Variants in JPH3 observed in about 807,000 individuals in gnomAD.
JPH3 encodes junctophilin-3.
JPH3 carries 11 observed loss-of-function variants against 59.6 expected under a neutral mutation model. The observed-to-expected ratio is 0.18, with a 90% confidence interval of 0.12 to 0.31. The LOEUF (loss-of-function observed/expected upper bound fraction) is 0.31. JPH3 is among the 10% of genes least tolerant of loss of function. The pLI, the probability that JPH3 is intolerant of heterozygous loss-of-function variation, is 1.00. For missense variants in JPH3, 1,202 were observed against 1,105.7 expected, an observed-to-expected ratio of 1.09 and a Z score of -1.24; for synonymous variants, 673 against 483.6, an observed-to-expected ratio of 1.39 and a Z score of -5.14.
At chr16:87,641,202 GGGGTCCGGTCC>G (rs1567594291) in intron 1 of JPH3, among the ~76,000 whole-genome samples, 17 of 152,318 alleles carry the variant, frequency 1.1e-4, no homozygotes, top group African/African-American at 3.4e-4. Context: ...TGGGGTCCCT[GGGGTCCGGTCC>G]ACATACATCC....
chr16:87,670,231 G>A (rs951759312), intron 2 of JPH3, among the ~76,000 whole-genome samples: 2 of 152,172 alleles, frequency 1.3e-5, no homozygotes, highest in East Asian at 1.9e-4. Context: ...GGAGTCAGCC[G>A]CAGCCACCAG....
At chr16:87,695,411 T>G (rs993478421) in intron 4 of JPH3, 1 of 456,076 alleles carries the variant, frequency 2.2e-6, no homozygotes, top group Non-Finnish European at 4.4e-6. Context: ...GGTCCATCTG[T>G]GTCGCACAGC....
In JPH3 at chr16:87,698,043, T is replaced by C. The variant is rs1170711308; in HGVS notation, c.*1383T>C. The C allele has an allele frequency of 6.6e-6, 1 of 152,668 alleles. No individual in the cohort carries two copies. The highest frequency in any genetic ancestry group is 1.5e-5 in the Non-Finnish European group (1 of 68,048). The allele number at this position is 152,668 out of a possible 1,614,324, so 9.5% of individuals were successfully genotyped here. A position where few individuals can be genotyped will look rare whatever the true frequency, so the allele number is the denominator to read the frequency against. On this transcript the variant is annotated 3_prime_UTR_variant, in exon 5 of 5. Coordinates refer to ENST00000284262, the MANE Select transcript of JPH3 (RefSeq NM_020655.4). ...TCTTATGGACTCTGCCTTGCTTTGCTTATGTTTAGCTGTTTCTCTGCTACC... is the reference window on the plus strand; with the variant it reads ...TCTTATGGACTCTGCCTTGCTTTGCCTATGTTTAGCTGTTTCTCTGCTACC...
chr16:87,608,424 T>C (rs1047446843), intron 1 of JPH3, among the ~76,000 whole-genome samples: 4 of 152,146 alleles, frequency 2.6e-5, no homozygotes, highest in African/African-American at 9.7e-5. Flanking sequence ...TCCACATTGG[T>C]CCGTGTCTCC....
At chr16:87,659,264 C>T (rs910703095) in intron 2 of JPH3, among the ~76,000 whole-genome samples, 1 of 151,334 alleles carries the variant, frequency 6.6e-6, no homozygotes, top group African/African-American at 2.4e-5. Flanking sequence ...GTAATCCCAG[C>T]TACTCAGGAA....
At chr16:87,680,149 G>A (rs61648523) in intron 2 of JPH3, among the ~76,000 whole-genome samples, 3,524 of 152,358 alleles carry the variant, frequency 0.023, 143 homozygotes, top group African/African-American at 0.08. Flanking sequence ...CCCTGGGTGC[G>A]CTGTTTCCCT....
intron 1 of JPH3, among the ~76,000 whole-genome samples, chr16:87,620,376 G>GT (rs905974361): frequency 2.0e-4 from 30 of 149,680 alleles, no homozygotes; most frequent in African/African-American, 7.4e-4. Flanking sequence ...GGGGACGGGG[G>GT]GCAAAGGGAA....
At chr16:87,691,089 C>CCCA (rs2033559440) in intron 4 of JPH3, among the ~76,000 whole-genome samples, 1 of 150,796 alleles carries the variant, frequency 6.6e-6, no homozygotes, top group African/African-American at 2.5e-5. Context: ...ACCCAGCACC[C>CCCA]CCCCCCCAAA....
chr16:87,676,201 C>T lies in JPH3; in HGVS notation c.1161-7941C>T, dbSNP rs117140691. On this transcript the variant is annotated intron_variant, in intron 2 of 4. Coordinates refer to ENST00000284262, the MANE Select transcript of JPH3 (RefSeq NM_020655.4). ...TCTTTTTATGTGTTTACCTTTGTAT[C>T]AGCCGTCTTCTCAATGAGACCAGAA... Among the ~76,000 whole-genome samples, 13 of 152,340 alleles carry T rather than the reference C, an allele frequency of 8.5e-5. No homozygotes were observed. The East Asian group carries it at 2.1e-3, about 25-fold the overall frequency.
At chr16:87,617,736 A>AGGG (rs1567583884) in intron 1 of JPH3, among the ~76,000 whole-genome samples, 3 of 151,976 alleles carry the variant, frequency 2.0e-5, no homozygotes, top group Non-Finnish European at 4.4e-5. Context: ...CAGGTGCAGG[A>AGGG]GCTGAGAGTC....
At chr16:87,671,527 G>C (rs537948114) in intron 2 of JPH3, among the ~76,000 whole-genome samples, 2 of 152,188 alleles carry the variant, frequency 1.3e-5, no homozygotes, top group East Asian at 1.9e-4. Flanking sequence ...TGGGAAGAGA[G>C]GTGACCACCA....
chr16:87,612,690 C>T (rs538990076), intron 1 of JPH3, among the ~76,000 whole-genome samples: 1 of 152,200 alleles, frequency 6.6e-6, no homozygotes, highest in East Asian at 1.9e-4. Flanking sequence ...CACTCTGGGT[C>T]AAGTGGTTCA....
chr16:87,652,665 C>T, intron 2 of JPH3, among the ~76,000 whole-genome samples: 1 of 152,086 alleles, frequency 6.6e-6, no homozygotes, highest in Non-Finnish European at 1.5e-5. Flanking sequence ...GTCCTGGAGG[C>T]CAGGCAGGTG....
chr16:87,655,769 G>A (rs1378886957), intron 2 of JPH3, among the ~76,000 whole-genome samples: 3 of 152,246 alleles, frequency 2.0e-5, no homozygotes, highest in South Asian at 2.1e-4. Context: ...TCGGCCCCCC[G>A]TGTGGGGAAC....
chr16:87,638,158 G>A (rs1419885898), intron 1 of JPH3, among the ~76,000 whole-genome samples: 2 of 152,138 alleles, frequency 1.3e-5, no homozygotes, highest in Admixed American at 6.5e-5. Context: ...GACCTCAGGT[G>A]ATCTACCTGC....
intron 2 of JPH3, among the ~76,000 whole-genome samples, chr16:87,673,757 C>T (rs1003132984): frequency 6.6e-6 from 1 of 151,942 alleles, no homozygotes; most frequent in African/African-American, 2.4e-5. Flanking sequence ...GAAACCCTGT[C>T]TCTACTAAAA....
At chr16:87,641,390 G>T (rs1276075223) in intron 1 of JPH3, among the ~76,000 whole-genome samples, 2 of 152,170 alleles carry the variant, frequency 1.3e-5, no homozygotes, top group African/African-American at 4.8e-5. Context: ...GATGGCAGTG[G>T]ACTTGCCTCC....
At chr16:87,668,038 C>T (rs2032917868) in intron 2 of JPH3, among the ~76,000 whole-genome samples, 1 of 152,230 alleles carries the variant, frequency 6.6e-6, no homozygotes, top group African/African-American at 2.4e-5. Flanking sequence ...CTTCGTCGAT[C>T]TGGCTGGTTT....
Position 87,603,452 on chromosome 16 carries a change from C to T in JPH3, c.306C>T (p.Gly102=). ...KGRYGVRECA[G]NGAKYEGTWS... ...GCTACGGGGTGCGGGAGTGCGCGGG[C>T]AACGGGGCCAAATACGAAGGGACCT... Residue 102 remains glycine (G), a synonymous_variant, in exon 1 of 5, where the codon GGC becomes GGT. Transcript: ENST00000284262. The T allele has an allele frequency of 6.4e-7, 1 of 1,564,090 alleles. No individual in the cohort carries two copies. The highest frequency in any genetic ancestry group is 8.7e-7 in the Non-Finnish European group (1 of 1,154,948).
Sources: allele counts gnomAD v4.1 joint callset (sites outside exome capture counted in the v4.1 genomes callset), GRCh38; gene constraint gnomAD v4.1.1; transcripts MANE v1.5; gene names NCBI Gene and HGNC (gene_info 2026-07-23, HGNC 2026-07-21).